LNPEP: variants seen among roughly 807,000 people sequenced by gnomAD.
The protein encoded by LNPEP is leucyl and cystinyl aminopeptidase.
LNPEP carries 64 observed loss-of-function variants against 120.6 expected under a neutral mutation model. The ratio of observed to expected loss-of-function variants is 0.53; its 90% CI spans 0.43 to 0.65. The LOEUF (loss-of-function observed/expected upper bound fraction) is 0.65. Among genes scored for constraint, LNPEP ranks in the 30% least tolerant of loss-of-function variants. The pLI is 0.00. For missense variants in LNPEP, 1,057 were observed against 1,200.0 expected, an observed-to-expected ratio of 0.88 and a Z score of 1.76; for synonymous variants, 435 against 425.4, an observed-to-expected ratio of 1.02 and a Z score of -0.28.
At chr5:96,986,869 T>C (rs1463446833) in intron 4 of LNPEP, among the ~76,000 whole-genome samples, 199 bp downstream of exon 4, 1 of 152,222 alleles carries the variant, frequency 6.6e-6, no homozygotes, top group Non-Finnish European at 1.5e-5. Context: ...TCAATAATTT[T>C]CAAGTTTTAA....
chr5:97,011,165 T>G, intron 11 of LNPEP: 1 of 985,342 alleles, frequency 1.0e-6, no homozygotes, highest in East Asian at 1.1e-4. Context: ...TCTTGTCTCC[T>G]TTTATGGGCA....
At chr5:96,982,523 T>C (rs1790151233) in intron 2 of LNPEP, among the ~76,000 whole-genome samples, 1 of 152,222 alleles carries the variant, frequency 6.6e-6, no homozygotes, top group South Asian at 2.1e-4. Flanking sequence ...CGCCTTAGTG[T>C]GTTATGATCT....
chr5:97,018,957 C>A (rs987349104), intron 13 of LNPEP, among the ~76,000 whole-genome samples: 1 of 152,156 alleles, frequency 6.6e-6, no homozygotes, highest in African/African-American at 2.4e-5. Flanking sequence ...ACTTACAAAT[C>A]TGTCATTCTT....
chr5:96,943,546 C>G (rs1789111939), intron 1 of LNPEP, among the ~76,000 whole-genome samples: 1 of 152,236 alleles, frequency 6.6e-6, no homozygotes, highest in South Asian at 2.1e-4. Context: ...CTTGACCTCC[C>G]CAAGTGCTGG....
chr5:97,011,208 T>C, intron 11 of LNPEP: 1 of 985,042 alleles, frequency 1.0e-6, no homozygotes, highest in Non-Finnish European at 1.2e-6. Context: ...CCCTTCTTTC[T>C]GGGGTTGTTT....
At chr5:97,014,399 C>T (rs1791012764) in intron 12 of LNPEP, among the ~76,000 whole-genome samples, 1 of 152,150 alleles carries the variant, frequency 6.6e-6, no homozygotes, top group South Asian at 2.1e-4. Flanking sequence ...TCCATTTTGT[C>T]TCGTTTTTTA....
At chr5:97,019,130 C>T (rs994627564) in intron 13 of LNPEP, among the ~76,000 whole-genome samples, 1 of 152,062 alleles carries the variant, frequency 6.6e-6, no homozygotes, top group Non-Finnish European at 1.5e-5. Context: ...GCATCTTTCC[C>T]TGTTTTATTT....
At position 96,963,931 on chromosome 5, in the gene LNPEP, A is replaced by G. The variant is rs536878587; in HGVS notation, c.20-15207A>G. 3.3e-5 allele frequency among the ~76,000 whole-genome samples: 5 copies of G among 152,210 alleles called. No individual in the cohort carries two copies. The South Asian group carries it at 6.2e-4, about 19-fold the overall frequency. ...GTTTCTATTCTAGCCATTTTGTAAT[A>G]TGCAATATTTTACTGTTAAACACAG... On this transcript the variant is annotated intron_variant, in intron 1 of 17. Coordinates refer to ENST00000231368, the MANE Select transcript of LNPEP (RefSeq NM_005575.3).
intron 9 of LNPEP, 33 bp downstream of exon 9, chr5:97,003,579 C>T (rs550384299): frequency 6.8e-7 from 1 of 1,466,276 alleles, no homozygotes; most frequent in Non-Finnish European, 9.3e-7. Context: ...TTAGCTCTTA[C>T]TGTAAAAAGA....
chr5:97,011,124 A>G (rs1790915533), intron 11 of LNPEP: 1 of 985,186 alleles, frequency 1.0e-6, no homozygotes, highest in African/African-American at 1.7e-5. Context: ...TTCTGCATCC[A>G]TCTAGTGGAA....
chr5:96,938,426 G>C (rs1788973791), intron 1 of LNPEP, among the ~76,000 whole-genome samples: 1 of 152,174 alleles, frequency 6.6e-6, no homozygotes, highest in Non-Finnish European at 1.5e-5. Context: ...ACAAAAAACA[G>C]TTTCAGTAAT....
intron 1 of LNPEP, among the ~76,000 whole-genome samples, chr5:96,974,535 T>TA (rs1334603828): frequency 6.6e-6 from 1 of 152,296 alleles, no homozygotes; most frequent in Non-Finnish European, 1.5e-5. Context: ...GTTCCCATCT[T>TA]AAACACAGAC....
At chr5:96,996,118 A>G (rs1790509513) in intron 6 of LNPEP, 3 of 253,198 alleles carry the variant, frequency 1.2e-5, no homozygotes, top group South Asian at 2.3e-4. Flanking sequence ...CATGTTTGTT[A>G]CATTGATAAA....
intron 12 of LNPEP, 44 bp from the exon 13 acceptor site, chr5:97,014,895 G>T (rs778931321): frequency 1.5e-6 from 2 of 1,373,586 alleles, no homozygotes; most frequent in Non-Finnish European, 1.9e-6. Flanking sequence ...GACTTCTTCT[G>T]TGTGTCTCTG....
intron 1 of LNPEP, among the ~76,000 whole-genome samples, chr5:96,966,518 G>A (rs1211040313): frequency 6.9e-6 from 1 of 144,740 alleles, no homozygotes; most frequent in African/African-American, 2.7e-5. Context: ...TTGTGTGTGT[G>A]TGTGTGTGTG....
chr5:97,026,667 C>A lies in LNPEP; in HGVS notation c.2774C>A (p.Ser925Tyr). The change falls in exon 16 of 18, where the codon TCT becomes TAT. Residue 925 changes from serine (S) to tyrosine (Y), a missense_variant. Coordinates refer to ENST00000231368, the MANE Select transcript of LNPEP (RefSeq NM_005575.3). ...NGDNFRTQKL[S>Y]FIIRTVGRHF... The stretch of plus-strand genomic sequence containing the variant: ...GATAACTTCCGAACACAGAAGCTGT[C>A]TTTTATCATTAGAACAGTGGGTCGA... 1.2e-6 allele frequency: 2 copies of A among 1,613,084 alleles called. No homozygotes were observed. Among genetic ancestry groups the A allele is most frequent in the Non-Finnish European group, 1.7e-6 (2 of 1,179,096 alleles).
At chr5:96,975,895 G>A (rs1789979129) in intron 1 of LNPEP, among the ~76,000 whole-genome samples, 1 of 152,122 alleles carries the variant, frequency 6.6e-6, no homozygotes. Flanking sequence ...AATGTCTTCA[G>A]TTCTCTTAGA....
chr5:97,016,060 C>T (rs569462186), intron 13 of LNPEP, among the ~76,000 whole-genome samples: 19 of 152,132 alleles, frequency 1.2e-4, no homozygotes, highest in African/African-American at 4.3e-4. Flanking sequence ...ATGGAGGGAA[C>T]GCAGGGCAGA....
chr5:96,997,315 T>G (rs1051075984), intron 7 of LNPEP, among the ~76,000 whole-genome samples: 5 of 152,106 alleles, frequency 3.3e-5, no homozygotes, highest in African/African-American at 1.2e-4. Context: ...TAGATAGGGC[T>G]TGTTGAAAAA....
Sources: gnomAD v4.1 joint callset for allele counts (sites outside exome capture counted in the v4.1 genomes callset) on GRCh38, gnomAD v4.1.1 for gene constraint, MANE v1.5 for transcripts, NCBI Gene and HGNC (gene_info 2026-07-23, HGNC 2026-07-21) for gene names.